The following ACOT7 variants were observed in gnomAD, a reference collection of about 807,000 sequenced individuals.
ACOT7 encodes cytosolic acyl coenzyme A thioester hydrolase.
In ACOT7, 12 loss-of-function variants were observed where a neutral mutation model predicts 40.2. That is an observed-to-expected ratio of 0.30 (90% confidence interval 0.19 to 0.48). The LOEUF (loss-of-function observed/expected upper bound fraction) is 0.48. Ranked by LOEUF, ACOT7 falls within the 20% of genes least tolerant of loss-of-function variation. ACOT7 has a pLI of 0.99. For missense variants in ACOT7, 395 were observed against 530.8 expected, an observed-to-expected ratio of 0.74 and a Z score of 2.51; for synonymous variants, 228 against 219.5, an observed-to-expected ratio of 1.04 and a Z score of -0.34.
chr1:6,370,538 G>C (rs1423790123), intron 1 of ACOT7, among the ~76,000 whole-genome samples: 2 of 150,560 alleles, frequency 1.3e-5, no homozygotes, highest in Admixed American at 6.6e-5. Flanking sequence ...CACCTGGCCT[G>C]GAGTGCAGTG....
rs936146917 is a variant in ACOT7, at chr1:6,275,373, G to C, written c.1014+5729C>G. ...GAGCGGACAAAGCTCAACAGGGTGC[G>C]TTTTCCCTGAGTTCTTGGAACTCCC... On this transcript the variant is annotated intron_variant, in intron 8 of 8. Coordinates refer to ENST00000361521, the MANE Select transcript of ACOT7 (RefSeq NM_007274.4). This position sits in a 1 kb window ranked among gnomAD's most constrained non-coding sequence, Gnocchi z 5.6. Among the ~76,000 whole-genome samples the C allele has an allele frequency of 6.6e-6, 1 of 152,142 alleles. No individual in the cohort carries two copies. The highest frequency in any genetic ancestry group is 1.9e-4 in the East Asian group (1 of 5,166).
intron 1 of ACOT7, among the ~76,000 whole-genome samples, chr1:6,392,908 G>A (rs1017816519): frequency 2.0e-5 from 3 of 152,130 alleles, no homozygotes; most frequent in Admixed American, 2.0e-4. Flanking sequence ...GGCCCGAGGC[G>A]GGGCGGCCCA....
intron 4 of ACOT7, among the ~76,000 whole-genome samples, chr1:6,332,106 G>C (rs956827904): frequency 3.9e-5 from 6 of 152,242 alleles, no homozygotes; most frequent in Non-Finnish European, 5.9e-5. Flanking sequence ...TCTCTATTGG[G>C]TCTGGAAGCA....
intron 1 of ACOT7, among the ~76,000 whole-genome samples, chr1:6,363,596 G>A (rs180674458): frequency 1.4e-4 from 22 of 152,210 alleles, no homozygotes; most frequent in Non-Finnish European, 2.4e-4. Flanking sequence ...AAATAATGGC[G>A]TAAGCTGTCT....
chr1:6,279,135 A>T (rs1268094595), intron 8 of ACOT7, among the ~76,000 whole-genome samples: 1 of 152,172 alleles, frequency 6.6e-6, no homozygotes, highest in Admixed American at 6.5e-5. Flanking sequence ...AAAGCAGGCA[A>T]GTTTGGAGAA....
rs1639964049 is a variant in ACOT7 at position 6,301,114 on chromosome 1, G to A, written c.713-6134C>T. On this transcript the variant is annotated intron_variant, in intron 6 of 8. Coordinates refer to ENST00000361521, the MANE Select transcript of ACOT7 (RefSeq NM_007274.4). The surrounding 1 kb of genome is among the most constrained non-coding windows in gnomAD (Gnocchi z 4.1). ...TCACAGACCCAGAGTGTCCAGTGCTGGCCACCAGCTGGTGTCATCAACTCA... is the reference window on the plus strand; with the variant it reads ...TCACAGACCCAGAGTGTCCAGTGCTAGCCACCAGCTGGTGTCATCAACTCA... Among the ~76,000 whole-genome samples, 1 of 152,214 alleles carries A rather than the reference G, an allele frequency of 6.6e-6. No homozygotes were observed. Among genetic ancestry groups the A allele is most frequent in the Non-Finnish European group, 1.5e-5 (1 of 68,026 alleles).
chr1:6,389,043 GA>G (rs137913430), intron 1 of ACOT7, among the ~76,000 whole-genome samples: 2,289 of 94,836 alleles, frequency 0.024, 30 homozygotes, highest in African/African-American at 0.071. Flanking sequence ...TCCGTCTCAA[GA>G]AAAAAAAAAA....
At chr1:6,297,819 C>T (rs1012186866) in intron 6 of ACOT7, among the ~76,000 whole-genome samples, 1 of 152,148 alleles carries the variant, frequency 6.6e-6, no homozygotes, top group African/African-American at 2.4e-5. Context: ...GAGGCAGGAA[C>T]GGGCAGGTGT....
chr1:6,331,068 G>A (rs757631330), intron 4 of ACOT7, among the ~76,000 whole-genome samples: 35 of 152,160 alleles, frequency 2.3e-4, no homozygotes, highest in Non-Finnish European at 4.9e-4. Context: ...CTGCTCCTTA[G>A]GTCTTCAATC....
chr1:6,326,373 G>C (rs1286482380), intron 5 of ACOT7, among the ~76,000 whole-genome samples: 1 of 152,194 alleles, frequency 6.6e-6, no homozygotes, highest in African/African-American at 2.4e-5. Context: ...CCTTGCTTGA[G>C]GCAAAACATC....
chr1:6,341,422 C>A (rs1219314837), intron 2 of ACOT7, among the ~76,000 whole-genome samples: 2 of 151,444 alleles, frequency 1.3e-5, no homozygotes, highest in Admixed American at 6.6e-5. Context: ...CGTGAGCCAC[C>A]GTGCCCGGCC....
chr1:6,332,845 A>T (rs1640997572), intron 4 of ACOT7, among the ~76,000 whole-genome samples: 1 of 151,592 alleles, frequency 6.6e-6, no homozygotes, highest in African/African-American at 2.4e-5. Flanking sequence ...AAACAAAAAA[A>T]ACAAAAAGAA....
At chr1:6,326,448 A>ATCTC (rs1241184256) in intron 5 of ACOT7, among the ~76,000 whole-genome samples, 1 of 152,234 alleles carries the variant, frequency 6.6e-6, no homozygotes, top group Non-Finnish European at 1.5e-5. Flanking sequence ...CTGACATGAG[A>ATCTC]GCAAGAGGAT....
intron 1 of ACOT7, among the ~76,000 whole-genome samples, chr1:6,392,719 G>C (rs1054182286): frequency 1.3e-5 from 2 of 152,186 alleles, no homozygotes; most frequent in East Asian, 1.9e-4. Flanking sequence ...CACTGAAGAC[G>C]GTAGCTCTGC....
chr1:6,339,365 C>T (rs1571322466), intron 3 of ACOT7, 68 bp downstream of exon 3: 2 of 1,606,340 alleles, frequency 1.2e-6, no homozygotes, highest in Non-Finnish European at 8.5e-7. Flanking sequence ...CCTCTGCCCT[C>T]AGGAGGGAAG....
Position 6,300,500 on chromosome 1 carries a change from G to A in ACOT7, c.713-5520C>T, listed in dbSNP as rs188311484. Among the ~76,000 whole-genome samples the A allele has an allele frequency of 4.4e-3, 526 of 119,132 alleles. 3 individuals carry two copies. Among genetic ancestry groups the A allele is most frequent in the African/African-American group, 0.016 (486 of 30,194 alleles). 78.2% of individuals were successfully genotyped at this position (119,132 alleles called of 152,430 possible). ...CACGGAATCTCACCGGACCCCACCC[G>A]ATCCTGTGATGCACAAGGCCGGCCC... On this transcript the variant is annotated intron_variant, in intron 6 of 8. Coordinates refer to ENST00000361521, the MANE Select transcript of ACOT7 (RefSeq NM_007274.4).
chr1:6,393,029 G>C (rs1198361978), intron 1 of ACOT7, among the ~76,000 whole-genome samples: 3 of 151,870 alleles, frequency 2.0e-5, no homozygotes, highest in African/African-American at 7.2e-5. Context: ...CTGGAGATGC[G>C]GCCAGGAGGA....
intron 1 of ACOT7, among the ~76,000 whole-genome samples, chr1:6,387,828 C>T (rs1642463542): frequency 6.6e-6 from 1 of 152,212 alleles, no homozygotes; most frequent in Non-Finnish European, 1.5e-5. Flanking sequence ...GCATCTTCAC[C>T]CAGGGTCCAC....
chr1:6,286,708 G>T (rs1639513959), intron 7 of ACOT7, among the ~76,000 whole-genome samples: 1 of 152,156 alleles, frequency 6.6e-6, no homozygotes, highest in African/African-American at 2.4e-5. Context: ...CCTTCATCAG[G>T]GGCTCCACAG....
Sources: allele counts gnomAD v4.1 joint callset (sites outside exome capture counted in the v4.1 genomes callset), GRCh38; gene constraint gnomAD v4.1.1; non-coding constraint Gnocchi (gnomAD v3.1); transcripts MANE v1.5; gene names NCBI Gene and HGNC (gene_info 2026-07-23, HGNC 2026-07-21).